The following ARHGAP45 variants were observed in gnomAD, a reference collection of about 807,000 sequenced individuals.
ARHGAP45 encodes the protein Rho GTPase activating protein 45.
In ARHGAP45, 56 loss-of-function variants were observed where a neutral mutation model predicts 116.1. That is an observed-to-expected ratio of 0.48 (90% CI 0.39 to 0.60). The LOEUF is 0.60. Ranked by LOEUF, ARHGAP45 falls within the 20% of genes least tolerant of loss-of-function variation. The pLI is 0.00. For synonymous variants in ARHGAP45, 866 were observed against 701.7 expected (o/e 1.23, Z -3.70); for missense variants, 1,622 against 1,601.0 (o/e 1.01, Z -0.22).
At chr19:1,077,305 C>G (rs909884842) in intron 10 of ARHGAP45, 19 of 984,694 alleles carry the variant, frequency 1.9e-5, no homozygotes, top group Non-Finnish European at 1.7e-5. Flanking sequence ...CTCAGCTTCC[C>G]GGGCTGCAGA....
intron 19 of ARHGAP45, 23 bp from the exon 20 acceptor site, chr19:1,082,817 T>A: frequency 6.8e-7 from 1 of 1,468,424 alleles, no homozygotes. Context: ...CACCAACACC[T>A]GCTGACCCTT....
intron 11 of ARHGAP45, among the ~76,000 whole-genome samples, chr19:1,078,334 G>A (rs536697154): frequency 0.012 from 1,878 of 151,940 alleles, 38 homozygotes; most frequent in African/African-American, 0.042. Flanking sequence ...TAGTAGAGAC[G>A]GGGTTTCACT....
rs1222489021 is a variant in ARHGAP45, at chr19:1,081,368, G to A, written c.2191-182G>A. 19 of 684,714 alleles carry A rather than the reference G, an allele frequency of 2.8e-5. No homozygotes were observed. In the East Asian group the frequency reaches 4.8e-4, roughly 17 times the overall value. 42.4% of individuals were successfully genotyped at this position (684,714 alleles called of 1,614,324 possible). A position where few individuals can be genotyped will look rare whatever the true frequency, so the allele number is the denominator to read the frequency against. ...AGAAAACCAAGGGGCGGGAAGGAGAGGAGGCCACAGGGCAGGCGGGATCAC... is the reference window on the plus strand; with the variant it reads ...AGAAAACCAAGGGGCGGGAAGGAGAAGAGGCCACAGGGCAGGCGGGATCAC... On this transcript the variant is annotated intron_variant, in intron 17 of 22. Transcript: ENST00000313093.
At position 1,086,084 on chromosome 19, in the gene ARHGAP45, C is replaced by T. The variant is rs1445496835; in HGVS notation, c.*78C>T. On this transcript the variant is annotated 3_prime_UTR_variant, in exon 23 of 23. Coordinates refer to ENST00000313093, the MANE Select transcript of ARHGAP45 (RefSeq NM_012292.5). ...CTCCAGCACGTCCCCTGCACCACGG[C>T]ATAGCTTAGGTGCGCCGTCCTGGGG... The T allele has an allele frequency of 2.2e-6, 3 of 1,334,664 alleles. No individual in the cohort carries two copies. Among genetic ancestry groups the T allele is most frequent in the East Asian group, 2.3e-5 (1 of 43,206 alleles). 82.7% of individuals were successfully genotyped at this position (1,334,664 alleles called of 1,614,324 possible).
In ARHGAP45 at chr19:1,080,702, C is replaced by T; in HGVS notation, c.1933C>T (p.Arg645Trp). 2.5e-6 allele frequency: 4 copies of T among 1,613,464 alleles called. No individual in the cohort carries two copies. Among genetic ancestry groups the T allele is most frequent in the South Asian group, 2.2e-5 (2 of 91,084 alleles). ...PGAGDFKKFE[R>W]TSSSGTMSST... The stretch of plus-strand genomic sequence containing the variant: ...CCCAGGGGACTTTAAGAAGTTCGAG[C>T]GGACGTCATCCAGTGGTACCATGTC... Residue 645 changes from arginine (R) to tryptophan (W), a missense_variant, in exon 16 of 23, where the codon CGG (arginine) becomes TGG (tryptophan). Physicochemically the swap from Arg to Trp is moderately radical, Grantham distance 101. Around this residue, in one of 3 missense-constraint regions of ARHGAP45, gnomAD observed 1,334 missense variants for 1,263.8 expected, o/e 1.06. Coordinates refer to ENST00000313093, the MANE Select transcript of ARHGAP45 (RefSeq NM_012292.5).
At position 1,074,881 on chromosome 19, in the gene ARHGAP45, TGAGGCGGGCGGGCG is replaced by T; in HGVS notation, c.1185+4_1185+17del. ...TGGCACCGTGCCCAGAGGAAGCTGG[TGAGGCGGGCGGGCG>T]GGGGCGGGCGGGGGCGGGCAGCGGG... is the stretch of plus-strand genomic sequence containing the variant. On this transcript the variant is annotated splice_donor_5th_base_variant and intron_variant, in intron 10 of 22. Transcript: ENST00000313093. 1 of 220,426 alleles carries T rather than the reference TGAGGCGGGCGGGCG, an allele frequency of 4.5e-6. No individual in the cohort carries two copies. Among genetic ancestry groups the T allele is most frequent in the Non-Finnish European group, 6.6e-6 (1 of 151,308 alleles). 13.7% of individuals were successfully genotyped at this position (220,426 alleles called of 1,614,324 possible).
Position 1,068,496 on chromosome 19 carries a change from C to G in ARHGAP45, c.173C>G (p.Ala58Gly). ...EPPAGSSGVKATGTLKRPTSL... is the reference protein window; with the variant it reads ...EPPAGSSGVKGTGTLKRPTSL... ...CCCGCTGGGTCCTCCGGCGTCAAGG[C>G]CACAGGGACCCTCAAGCGGCCCACC... The change falls in exon 2 of 23, where the codon GCC becomes GGC. Residue 58 changes from alanine (A) to glycine (G), a missense_variant. By Grantham distance (60) the Ala-to-Gly change is moderately conservative (BLOSUM62 0). Coordinates refer to ENST00000313093, the MANE Select transcript of ARHGAP45 (RefSeq NM_012292.5). The surrounding 1 kb of genome is among the most constrained non-coding windows in gnomAD (Gnocchi z 7.5). The G allele has an allele frequency of 6.3e-7, 1 of 1,595,628 alleles. No individual in the cohort carries two copies. The highest frequency in any genetic ancestry group is 8.5e-7 in the Non-Finnish European group (1 of 1,172,166).
At position 1,073,100 on chromosome 19, in the gene ARHGAP45, C is replaced by T. The variant is rs1417504679; in HGVS notation, c.422-49C>T. 4 of 1,554,586 alleles carry T rather than the reference C, an allele frequency of 2.6e-6. No individual in the cohort carries two copies. The South Asian group carries it at 4.7e-5, about 18-fold the overall frequency. ...AAGAGGGAGGAGGTGGACAGACTTTCCCTGGGACTGGGCCCTACCCCACTG... is the reference window on the plus strand; with the variant it reads ...AAGAGGGAGGAGGTGGACAGACTTTTCCTGGGACTGGGCCCTACCCCACTG... On this transcript the variant is annotated intron_variant, in intron 2 of 22. Coordinates refer to ENST00000313093, the MANE Select transcript of ARHGAP45 (RefSeq NM_012292.5).
Position 1,079,863 on chromosome 19 carries a change from C to T in ARHGAP45, c.1512+23C>T, listed in dbSNP as rs377099964. The T allele has an allele frequency of 7.5e-6, 12 of 1,595,112 alleles. No homozygotes were observed. The African/African-American group carries it at 1.3e-4, about 18-fold the overall frequency. On this transcript the variant is annotated intron_variant, in intron 12 of 22. Transcript: ENST00000313093. The stretch of plus-strand genomic sequence containing the variant: ...TCGGTGCGTGGGGTGCTCCGGCCGC[C>T]CGGGCGGGGATGGTGGACCGGGCGG...
At chr19:1,081,379 G>A in intron 17 of ARHGAP45, 171 bp from the exon 18 acceptor site, 1 of 724,286 alleles carries the variant, frequency 1.4e-6, no homozygotes, top group Non-Finnish European at 2.2e-6. Context: ...GAGGCCACAG[G>A]GCAGGCGGGA....
intron 10 of ARHGAP45, chr19:1,076,997 G>T (rs2043265325): frequency 2.0e-6 from 2 of 983,638 alleles, no homozygotes. Context: ...CCAAAGCACT[G>T]GGAGTACAGG....
chr19:1,068,468 C>G lies in ARHGAP45; in HGVS notation c.145C>G (p.Pro49Ala). 2 of 1,582,564 alleles carry G rather than the reference C, an allele frequency of 1.3e-6. No individual in the cohort carries two copies. The highest frequency in any genetic ancestry group is 1.7e-6 in the Non-Finnish European group (2 of 1,164,924). The change falls in exon 2 of 23, where the codon CCG becomes GCG. Residue 49 changes from proline (P) to alanine (A), a missense_variant. Physicochemically the swap from Pro to Ala is conservative, Grantham distance 27. Coordinates refer to ENST00000313093, the MANE Select transcript of ARHGAP45 (RefSeq NM_012292.5). The surrounding 1 kb of genome is among the most constrained non-coding windows in gnomAD (Gnocchi z 7.5). ...DAVFPGPSLE[P>A]PAGSSGVKAT... ...GGTGTTCCCCGGACCAAGCCTGGAG[C>G]CGCCCGCTGGGTCCTCCGGCGTCAA... is the stretch of plus-strand genomic sequence containing the variant.
At chr19:1,073,095 A>G in intron 2 of ARHGAP45, 54 bp from the exon 3 acceptor site, 1 of 1,546,190 alleles carries the variant, frequency 6.5e-7, no homozygotes, top group Non-Finnish European at 8.7e-7. Flanking sequence ...AGGTGGACAG[A>G]CTTTCCCTGG....
rs1268754656 is a variant in ARHGAP45, at chr19:1,069,931, C to T, written c.421+1187C>T. Among the ~76,000 whole-genome samples the T allele has an allele frequency of 6.6e-6, 1 of 151,978 alleles. No individual in the cohort carries two copies. Among genetic ancestry groups the T allele is most frequent in the Non-Finnish European group, 1.5e-5 (1 of 67,998 alleles). ...TCCTGGGCTCAAGCCATCCTCCTAC[C>T]TCTGCCTCCCGAGTACCTGAGACTA... On this transcript the variant is annotated intron_variant, in intron 2 of 22. Transcript: ENST00000313093. This position sits in a 1 kb window ranked among gnomAD's most constrained non-coding sequence, Gnocchi z 4.1.
At chr19:1,074,053 T>G in intron 6 of ARHGAP45, 39 bp downstream of exon 6, 3 of 1,602,476 alleles carry the variant, frequency 1.9e-6, no homozygotes, top group Non-Finnish European at 2.6e-6. Context: ...ATTTGAGGGG[T>G]GGGCCATTGC....
chr19:1,077,434 G>A (rs8103850), intron 10 of ARHGAP45: 302,703 of 994,724 alleles, frequency 0.3, 46,911 homozygotes, highest in Middle Eastern at 0.4. Flanking sequence ...GTGCAGTGGT[G>A]CATGCAATCT....
rs765909554 is a variant in ARHGAP45, at chr19:1,086,043, T to TC, written c.*37_*38insC. On this transcript the variant is annotated 3_prime_UTR_variant, in exon 23 of 23. Coordinates refer to ENST00000313093, the MANE Select transcript of ARHGAP45 (RefSeq NM_012292.5). ...GCTGGGACCACAGGTGGCTTCTCTC[T>TC]TGCCTGCTCCTGTCCCTCCAGCACG... is the stretch of plus-strand genomic sequence containing the variant. The TC allele has an allele frequency of 1.9e-6, 3 of 1,554,018 alleles. No homozygotes were observed. In the Admixed American group the frequency reaches 5.1e-5, roughly 26 times the overall value.
Position 1,071,365 on chromosome 19 carries a change from G to A in ARHGAP45, c.422-1784G>A. The A allele has an allele frequency of 2.3e-6, 3 of 1,309,870 alleles. No individual in the cohort carries two copies. The highest frequency in any genetic ancestry group is 2.9e-6 in the Non-Finnish European group (3 of 1,031,352). The allele number at this position is 1,309,870 out of a possible 1,614,324, so 81.1% of individuals were successfully genotyped here. A position where few individuals can be genotyped will look rare whatever the true frequency, so the allele number is the denominator to read the frequency against. On this transcript the variant is annotated intron_variant, in intron 2 of 22. Transcript: ENST00000313093. The surrounding 1 kb of genome is among the most constrained non-coding windows in gnomAD (Gnocchi z 4.6). ...TGCCGGGCGGGCCCCCGAGGTGAGG[G>A]GACAGGTGCCGGGCGCTGGGTCCCG... is the stretch of plus-strand genomic sequence containing the variant.
rs764136987 is a variant in ARHGAP45, at chr19:1,074,101, C to A, written c.791-3C>A. The A allele has an allele frequency of 6.8e-6, 11 of 1,611,132 alleles. No homozygotes were observed. The Middle Eastern group carries it at 8.3e-4, about 121-fold the overall frequency. ...AGGCTGAGCAGGCCCCCGTTCCCTG[C>A]AGGCTGCCTGCCCGCCGAGGAGGTG... is the stretch of plus-strand genomic sequence containing the variant. On this transcript the variant is annotated splice_polypyrimidine_tract_variant and splice_region_variant and intron_variant, in intron 6 of 22. Coordinates refer to ENST00000313093, the MANE Select transcript of ARHGAP45 (RefSeq NM_012292.5).
Sources: gnomAD v4.1 joint callset for allele counts (sites outside exome capture counted in the v4.1 genomes callset) on GRCh38, gnomAD v4.1.1 for gene constraint, gnomAD v4.1.1 regional missense constraint, Gnocchi (gnomAD v3.1) non-coding constraint, MANE v1.5 for transcripts, NCBI Gene and HGNC (gene_info 2026-07-23, HGNC 2026-07-21) for gene names.